The following CLIP1 variants were observed in gnomAD, a reference collection of about 807,000 sequenced individuals.
CLIP1 encodes the protein CAP-Gly domain-containing linker protein 1.
Under a neutral mutation model 161.6 loss-of-function variants are expected in CLIP1, and 66 were observed. That is an observed-to-expected ratio of 0.41 (90% CI 0.33 to 0.50). CLIP1 has a LOEUF of 0.50. Ranked by LOEUF, CLIP1 falls within the 20% of genes least tolerant of loss-of-function variation. CLIP1 has a pLI of 0.27. For missense variants in CLIP1, 1,376 were observed against 1,702.0 expected (o/e 0.81, Z 3.37); for synonymous variants, 598 against 626.2 (o/e 0.96, Z 0.67).
Position 122,363,989 on chromosome 12 carries a change from C to G in CLIP1, c.776G>C (p.Gly259Ala), listed in dbSNP as rs372196407. 239 of 1,613,964 alleles carry G rather than the reference C, an allele frequency of 1.5e-4. No homozygotes were observed. Among genetic ancestry groups the G allele is most frequent in the Non-Finnish European group, 1.9e-4 (220 of 1,180,008 alleles). The change falls in exon 4 of 26, where the codon GGA becomes GCA. Residue 259 changes from glycine (G) to alanine (A), a missense_variant. By Grantham distance (60) the Gly-to-Ala change is moderately conservative. Coordinates refer to ENST00000620786, the MANE Select transcript of CLIP1 (RefSeq NM_001247997.2). ...PLGKNDGAVA[G>A]TRYFQCQPKY... ...TGCACAACGCCAAACAAACCTTGTTCCAGCAACAGCGCCATCATTCTTCCC... is the reference window on the plus strand; with the variant it reads ...TGCACAACGCCAAACAAACCTTGTTGCAGCAACAGCGCCATCATTCTTCCC...
At position 122,288,506 on chromosome 12, in the gene CLIP1, C is replaced by G. The variant is rs750719739; in HGVS notation, c.3630G>C (p.Leu1210Phe). Residue 1210 changes from leucine to phenylalanine, a missense_variant, in exon 21 of 26, where the codon TTG becomes TTC. This residue lies in a region of CLIP1 where 948 missense variants were observed against 1,134.8 expected (regional missense o/e 0.84). Coordinates refer to ENST00000620786, the MANE Select transcript of CLIP1 (RefSeq NM_001247997.2). ...EEERSVLNNQ[L>F]LEMKKRESKF... ...AAGCTTACCTTTTTTTCATTTCTAA[C>G]AACTGATTATTGAGCACAGATCTTT... is the stretch of plus-strand genomic sequence containing the variant. 1.2e-6 allele frequency: 2 copies of G among 1,607,842 alleles called. No individual in the cohort carries two copies. The highest frequency in any genetic ancestry group is 2.2e-5 in the South Asian group (2 of 90,920).
At chr12:122,347,295 GCCAACTA>G (rs1282064643) in intron 10 of CLIP1, 73 bp downstream of exon 10, 14 of 1,073,350 alleles carry the variant, frequency 1.3e-5, no homozygotes, top group Non-Finnish European at 1.7e-5. Context: ...CAAGGCTCAG[GCCAACTA>G]TAAAGCATGT....
chr12:122,298,871 C>T (rs1359069036), intron 20 of CLIP1, among the ~76,000 whole-genome samples: 1 of 151,668 alleles, frequency 6.6e-6, no homozygotes, highest in Non-Finnish European at 1.5e-5. Context: ...AGGAGAATCG[C>T]GTGAACCCAG....
At chr12:122,411,770 G>A (rs994053796) in intron 1 of CLIP1, among the ~76,000 whole-genome samples, 5 of 152,062 alleles carry the variant, frequency 3.3e-5, no homozygotes, top group African/African-American at 4.8e-5. Context: ...TGGGAAAGTT[G>A]GCAGAAATAA....
chr12:122,312,561 C>T (rs1475260544), intron 19 of CLIP1, among the ~76,000 whole-genome samples: 2 of 152,076 alleles, frequency 1.3e-5, no homozygotes, highest in Non-Finnish European at 2.9e-5. Flanking sequence ...GCCAGGAGTT[C>T]GAGACCAGCC....
chr12:122,351,041 A>G (rs1366775180), intron 9 of CLIP1, 70 bp downstream of exon 9: 3 of 1,174,934 alleles, frequency 2.6e-6, no homozygotes, highest in East Asian at 5.0e-5. Context: ...GAGTATATCA[A>G]TAAGCATTTT....
intron 20 of CLIP1, among the ~76,000 whole-genome samples, chr12:122,307,073 G>A (rs575774195): frequency 1.0e-4 from 14 of 135,108 alleles, no homozygotes; most frequent in Admixed American, 2.5e-4. Flanking sequence ...GCAGTGGCAC[G>A]ATCTCGGCTC....
chr12:122,400,071 C>T (rs1244709817), intron 1 of CLIP1: 54 of 152,198 alleles, frequency 3.5e-4, no homozygotes, highest in Admixed American at 3.5e-3. Context: ...TGTCCCCACC[C>T]CCAACACAGG....
chr12:122,361,943 TAAGTAAA>T (rs1406073540), intron 4 of CLIP1, among the ~76,000 whole-genome samples: 1 of 151,992 alleles, frequency 6.6e-6, no homozygotes, highest in East Asian at 1.9e-4. Context: ...CCTATTGAAA[TAAGTAAA>T]ATGTATAATT....
At position 122,330,500 on chromosome 12, in the gene CLIP1, A is replaced by T. The variant is rs116408511; in HGVS notation, c.2868-2074T>A. ...ATTCTTTGATTTTTATATGACAGCT[A>T]TTAAAAGAAAAAGATCAAAGCAACA... On this transcript the variant is annotated intron_variant, in intron 15 of 25. Coordinates refer to ENST00000620786, the MANE Select transcript of CLIP1 (RefSeq NM_001247997.2). 5.7e-3 allele frequency among the ~76,000 whole-genome samples: 861 copies of T among 152,300 alleles called. 10 individuals are homozygous for T. Among genetic ancestry groups the T allele is most frequent in the African/African-American group, 0.02 (821 of 41,564 alleles).
In CLIP1 at chr12:122,271,946, T is replaced by C. The variant is rs1319863452; in HGVS notation, c.*929A>G. 6.6e-6 allele frequency: 1 copy of C among 152,498 alleles called. No homozygotes were observed. Among genetic ancestry groups the C allele is most frequent in the Non-Finnish European group, 1.5e-5 (1 of 68,012 alleles). The allele number at this position is 152,498 out of a possible 1,614,324, so 9.4% of individuals were successfully genotyped here. On this transcript the variant is annotated 3_prime_UTR_variant, in exon 26 of 26. Transcript: ENST00000620786. Reference sequence around the variant, plus strand: ...TACCTGCCAGAGAAGGAAAAAAAAATTGGAGAAAATTCCTCCAGTTATTTA... The same window carrying C: ...TACCTGCCAGAGAAGGAAAAAAAAACTGGAGAAAATTCCTCCAGTTATTTA...
Position 122,341,690 on chromosome 12 carries a change from G to C in CLIP1, c.1514C>G (p.Thr505Arg), listed in dbSNP as rs553708892. 6.7e-7 allele frequency: 1 copy of C among 1,494,398 alleles called. No homozygotes were observed. The highest frequency in any genetic ancestry group is 1.4e-5 in the African/African-American group (1 of 69,622). The allele number at this position is 1,494,398 out of a possible 1,614,324, so 92.6% of individuals were successfully genotyped here. Residue 505 changes from threonine (T) to arginine (R), a missense_variant, in exon 11 of 26, where the codon ACA becomes AGA. By Grantham distance (71) the Thr-to-Arg change is moderately conservative (BLOSUM62 -1). Coordinates refer to ENST00000620786, the MANE Select transcript of CLIP1 (RefSeq NM_001247997.2). The stretch of plus-strand genomic sequence containing the variant: ...CATTATACGTGACTTTTCTGAAACT[G>C]TAGCCACCTATTAACAGCAGTCCAA... ...QRELEDTRVA[T>R]VSEKSRIMEL...
chr12:122,320,928 T>C (rs867581504), intron 17 of CLIP1, among the ~76,000 whole-genome samples: 51 of 151,658 alleles, frequency 3.4e-4, no homozygotes, highest in Middle Eastern at 6.8e-3. Flanking sequence ...CAGGATGGTC[T>C]TGATCTTCTG....
At chr12:122,309,711 C>A in intron 20 of CLIP1, 51 bp downstream of exon 20, 1 of 1,606,278 alleles carries the variant, frequency 6.2e-7, no homozygotes, top group Non-Finnish European at 8.5e-7. Context: ...CTGCCAACAG[C>A]AGCAGCACCC....
intron 1 of CLIP1, among the ~76,000 whole-genome samples, chr12:122,415,888 G>A (rs1439154341): frequency 2.0e-5 from 3 of 152,012 alleles, no homozygotes; most frequent in African/African-American, 4.8e-5. Context: ...TACAAGGTGC[G>A]CAATTCCAGG....
chr12:122,359,429 C>A (rs1263372639), intron 5 of CLIP1, among the ~76,000 whole-genome samples: 1 of 152,116 alleles, frequency 6.6e-6, no homozygotes, highest in Non-Finnish European at 1.5e-5. Flanking sequence ...GAAAGAATTC[C>A]TAATCCAGAA....
At chr12:122,278,718 G>GAGC in intron 23 of CLIP1, 74 bp downstream of exon 23, 1 of 1,453,064 alleles carries the variant, frequency 6.9e-7, no homozygotes, top group Non-Finnish European at 9.2e-7. Flanking sequence ...TGTCTTCGAA[G>GAGC]AGCATCTCTA....
In CLIP1 at chr12:122,363,936, C is replaced by T. The variant is rs367837404; in HGVS notation, c.782+47G>A. 3,069 of 1,612,158 alleles carry T rather than the reference C, an allele frequency of 1.9e-3. 67 individuals are homozygous for T. In the South Asian group the frequency reaches 0.03, roughly 16 times the overall value. ...CGCTTGGTGAGACTGGCCTGAGCAT[C>T]GTCACGTACAAGAGTGACACAAGAT... is the stretch of plus-strand genomic sequence containing the variant. On this transcript the variant is annotated intron_variant, in intron 4 of 25. Coordinates refer to ENST00000620786, the MANE Select transcript of CLIP1 (RefSeq NM_001247997.2).
intron 15 of CLIP1, among the ~76,000 whole-genome samples, chr12:122,330,775 AT>A: frequency 1.3e-5 from 2 of 148,756 alleles, no homozygotes. Flanking sequence ...CATTTTTTGT[AT>A]TTTTTTAGTA....
Sources: gnomAD v4.1 joint callset for allele counts (sites outside exome capture counted in the v4.1 genomes callset) on GRCh38, gnomAD v4.1.1 for gene constraint, gnomAD v4.1.1 regional missense constraint, MANE v1.5 for transcripts, NCBI Gene and HGNC (gene_info 2026-07-23, HGNC 2026-07-21) for gene names.